The following B3GLCT variants were observed in gnomAD, a reference collection of about 807,000 sequenced individuals.
B3GLCT encodes the protein beta-1,3-glucosyltransferase.
Under a neutral mutation model 63.4 loss-of-function variants are expected in B3GLCT, and 65 were observed. The observed-to-expected ratio is 1.03, with a 90% CI of 0.84 to 1.26. The LOEUF is 1.26. Ranked by LOEUF, B3GLCT falls within the 50% of genes most tolerant of loss-of-function variation. The pLI is 0.00. For synonymous variants in B3GLCT, 233 were observed against 219.2 expected, an observed-to-expected ratio of 1.06 and a Z score of -0.55; for missense variants, 577 against 604.8, an observed-to-expected ratio of 0.95 and a Z score of 0.48.
intron 2 of B3GLCT, among the ~76,000 whole-genome samples, chr13:31,219,369 A>T (rs1394371709): frequency 1.3e-5 from 2 of 152,218 alleles, no homozygotes; most frequent in African/African-American, 4.8e-5. Context: ...AAATTTTCTG[A>T]ATCATTGAAT....
At chr13:31,285,763 G>T (rs1344804839) in intron 11 of B3GLCT, among the ~76,000 whole-genome samples, 1 of 152,040 alleles carries the variant, frequency 6.6e-6, no homozygotes, top group African/African-American at 2.4e-5. Flanking sequence ...TTCTAACAAG[G>T]TTAAGTGTAT....
intron 9 of B3GLCT, among the ~76,000 whole-genome samples, chr13:31,275,436 G>T (rs1872737786): frequency 6.6e-6 from 1 of 152,160 alleles, no homozygotes; most frequent in South Asian, 2.1e-4. Flanking sequence ...TTTTGTTGAT[G>T]ATGTAGGATG....
intron 8 of B3GLCT, 147 bp downstream of exon 8, chr13:31,269,424 T>G: frequency 1.6e-6 from 1 of 616,028 alleles, no homozygotes; most frequent in Non-Finnish European, 2.9e-6. Flanking sequence ...TCCAGCGAAT[T>G]AGGTGCTTTT....
chr13:31,213,984 T>C (rs892268985), intron 1 of B3GLCT, among the ~76,000 whole-genome samples: 3 of 152,144 alleles, frequency 2.0e-5, no homozygotes, highest in Admixed American at 6.5e-5. Flanking sequence ...TAGATTTCTT[T>C]CTTTTGAGCA....
intron 7 of B3GLCT, among the ~76,000 whole-genome samples, chr13:31,264,960 T>C (rs1033835050): frequency 6.6e-6 from 1 of 152,184 alleles, no homozygotes; most frequent in African/African-American, 2.4e-5. Context: ...ACCCACACTT[T>C]CTCTGTCCCT....
At chr13:31,274,452 C>CATAA in intron 8 of B3GLCT, 57 bp from the exon 9 acceptor site, 1 of 1,612,108 alleles carries the variant, frequency 6.2e-7, no homozygotes, top group Non-Finnish European at 8.5e-7. Flanking sequence ...TTTGTCCCTT[C>CATAA]TTATACTTGT....
intron 10 of B3GLCT, among the ~76,000 whole-genome samples, chr13:31,279,318 A>G (rs1872945738): frequency 6.6e-6 from 1 of 151,770 alleles, no homozygotes; most frequent in South Asian, 2.1e-4. Flanking sequence ...TTCCCTGTGC[A>G]CTCTATTAGT....
intron 12 of B3GLCT, among the ~76,000 whole-genome samples, chr13:31,310,027 C>A (rs546598005): frequency 6.6e-6 from 1 of 152,162 alleles, no homozygotes; most frequent in Admixed American, 6.5e-5. Context: ...CAGAAACGGC[C>A]AGGTCCCCAG....
In B3GLCT at chr13:31,329,854, T is replaced by G; in HGVS notation, c.*186T>G. The G allele has an allele frequency of 1.5e-6, 1 of 649,144 alleles. No homozygotes were observed. Among genetic ancestry groups the G allele is most frequent in the Non-Finnish European group, 2.6e-6 (1 of 379,078 alleles). The allele number at this position is 649,144 out of a possible 1,614,324, so 40.2% of individuals were successfully genotyped here. A position where few individuals can be genotyped will look rare whatever the true frequency, so the allele number is the denominator to read the frequency against. The stretch of plus-strand genomic sequence containing the variant: ...GAAAAGGGGTCACAGGAGAAACATT[T>G]TTTTTTCTGGGAAAAATCACTTGCT... On this transcript the variant is annotated 3_prime_UTR_variant, in exon 15 of 15. Coordinates refer to ENST00000343307, the MANE Select transcript of B3GLCT (RefSeq NM_194318.4).
At chr13:31,250,900 C>T (rs1241074294) in intron 6 of B3GLCT, among the ~76,000 whole-genome samples, 1 of 152,114 alleles carries the variant, frequency 6.6e-6, no homozygotes, top group African/African-American at 2.4e-5. Context: ...GTCCCTGAAC[C>T]CCCGTGTAGC....
intron 5 of B3GLCT, 69 bp downstream of exon 5, chr13:31,247,168 T>C: frequency 8.0e-7 from 1 of 1,246,132 alleles, no homozygotes; most frequent in Non-Finnish European, 1.2e-6. Context: ...CCTTAGTCTT[T>C]TTATTAAGAG....
At chr13:31,319,390 A>ATAAACTACCAGCCTCC (rs57425590) in intron 13 of B3GLCT, among the ~76,000 whole-genome samples, 101,581 of 151,730 alleles carry the variant, frequency 0.67, 36,003 homozygotes, top group Middle Eastern at 0.79. Flanking sequence ...TCTAAGAGTC[A>ATAAACTACCAGCCTCC]TAAACTCCCA....
At chr13:31,311,066 G>A (rs1038769499) in intron 12 of B3GLCT, among the ~76,000 whole-genome samples, 1 of 152,218 alleles carries the variant, frequency 6.6e-6, no homozygotes. Flanking sequence ...TGGTGAAGCA[G>A]CACTGAAAGA....
intron 6 of B3GLCT, among the ~76,000 whole-genome samples, chr13:31,249,961 C>A (rs1871355481): frequency 6.6e-6 from 1 of 152,072 alleles, no homozygotes; most frequent in Non-Finnish European, 1.5e-5. Context: ...GATTTATTTC[C>A]ATCATCATCT....
intron 12 of B3GLCT, among the ~76,000 whole-genome samples, chr13:31,300,700 C>T (rs1016169302): frequency 6.6e-6 from 1 of 151,928 alleles, no homozygotes; most frequent in Admixed American, 6.6e-5. Context: ...TACCAGAAGG[C>T]AAAAATCTGA....
intron 4 of B3GLCT, among the ~76,000 whole-genome samples, chr13:31,240,507 G>A (rs1292810017): frequency 7.9e-6 from 1 of 126,278 alleles, no homozygotes; most frequent in African/African-American, 2.9e-5. Context: ...AAAAACACCT[G>A]ATTTTCATTT....
chr13:31,256,705 A>T (rs1871758662), intron 6 of B3GLCT, among the ~76,000 whole-genome samples: 1 of 152,176 alleles, frequency 6.6e-6, no homozygotes. Context: ...TCTCACTCAT[A>T]AGTGGGAGTT....
chr13:31,322,703 A>G (rs1875390732), intron 13 of B3GLCT, among the ~76,000 whole-genome samples: 1 of 152,174 alleles, frequency 6.6e-6, no homozygotes, highest in Non-Finnish European at 1.5e-5. Context: ...ATCTTCCTAT[A>G]AAGTTAGTTT....
intron 6 of B3GLCT, among the ~76,000 whole-genome samples, chr13:31,251,054 G>A (rs1212402829): frequency 1.3e-5 from 2 of 152,164 alleles, no homozygotes; most frequent in Non-Finnish European, 2.9e-5. Flanking sequence ...ACCCTCCACC[G>A]GGGATACCCA....
Sources: gnomAD v4.1 joint callset for allele counts (sites outside exome capture counted in the v4.1 genomes callset) on GRCh38, gnomAD v4.1.1 for gene constraint, MANE v1.5 for transcripts, NCBI Gene and HGNC (gene_info 2026-07-23, HGNC 2026-07-21) for gene names.